Variants in LIMCH1 observed in about 807,000 individuals in gnomAD.
The protein encoded by LIMCH1 is LIM and calponin homology domains 1.
Under a neutral mutation model 176.5 loss-of-function variants are expected in LIMCH1, and 113 were observed. The observed-to-expected ratio is 0.64, with a 90% CI of 0.55 to 0.75. The LOEUF (loss-of-function observed/expected upper bound fraction) is 0.75, where lower values mean the gene tolerates loss of function less well. LIMCH1 is among the 30% of genes least tolerant of loss of function. LIMCH1 has a pLI of 0.00. For synonymous variants in LIMCH1, 619 were observed against 645.9 expected, an observed-to-expected ratio of 0.96 and a Z score of 0.63; for missense variants, 1,674 against 1,814.9, an observed-to-expected ratio of 0.92 and a Z score of 1.41.
At chr4:41,555,228 C>T (rs559859732) in intron 1 of LIMCH1, among the ~76,000 whole-genome samples, 2 of 152,294 alleles carry the variant, frequency 1.3e-5, no homozygotes, top group South Asian at 2.1e-4. Flanking sequence ...ATTTAGCAAG[C>T]GTGTCCTACT....
intron 1 of LIMCH1, among the ~76,000 whole-genome samples, chr4:41,586,309 TG>T (rs1256506089): frequency 2.0e-5 from 3 of 151,852 alleles, no homozygotes; most frequent in African/African-American, 7.3e-5. Flanking sequence ...GAGATCACAT[TG>T]TGTTGCCTGC....
chr4:41,505,831 T>C (rs2074078121), intron 2 of LIMCH1, among the ~76,000 whole-genome samples: 1 of 151,884 alleles, frequency 6.6e-6, no homozygotes, highest in Non-Finnish European at 1.5e-5. Flanking sequence ...TGAGACCAAG[T>C]TATAAGATTT....
intron 1 of LIMCH1, among the ~76,000 whole-genome samples, chr4:41,434,653 A>T (rs2154137972): frequency 6.6e-6 from 1 of 152,260 alleles, no homozygotes; most frequent in East Asian, 1.9e-4. Flanking sequence ...AGTAGCTGGG[A>T]TTACAGGTGC....
intron 22 of LIMCH1, among the ~76,000 whole-genome samples, chr4:41,674,300 C>A (rs906866691): frequency 6.6e-6 from 1 of 152,198 alleles, no homozygotes; most frequent in African/African-American, 2.4e-5. Context: ...TATTTTCCTA[C>A]TATTGGAGTT....
intron 1 of LIMCH1, among the ~76,000 whole-genome samples, chr4:41,595,100 TA>T (rs1401231999): frequency 6.6e-6 from 1 of 152,110 alleles, no homozygotes; most frequent in Non-Finnish European, 1.5e-5. Flanking sequence ...TCCTGAATGG[TA>T]GAATTGTAAG....
chr4:41,560,453 A>G (rs2081923289), intron 1 of LIMCH1, among the ~76,000 whole-genome samples: 1 of 152,198 alleles, frequency 6.6e-6, no homozygotes, highest in African/African-American at 2.4e-5. Flanking sequence ...CACTCTGTTA[A>G]TGGTGAAAAT....
At chr4:41,549,001 C>A (rs190217004) in intron 1 of LIMCH1, among the ~76,000 whole-genome samples, 164 of 152,158 alleles carry the variant, frequency 1.1e-3, no homozygotes, top group Non-Finnish European at 2.0e-3. Context: ...TTGCTGAGAC[C>A]TTTCTACCTG....
At chr4:41,663,134 C>T (rs946587154) in intron 20 of LIMCH1, 150 bp downstream of exon 20, 132 of 406,498 alleles carry the variant, frequency 3.2e-4, no homozygotes, top group Middle Eastern at 1.6e-3. Context: ...TTTTCTTTTT[C>T]GTGTGTGTGT....
intron 1 of LIMCH1, among the ~76,000 whole-genome samples, chr4:41,563,177 C>T (rs1403023146): frequency 6.6e-6 from 1 of 152,132 alleles, no homozygotes; most frequent in African/African-American, 2.4e-5. Context: ...CCGACCAGCT[C>T]TGTGATAGTG....
chr4:41,692,404 C>T lies in LIMCH1; in HGVS notation c.4378+20C>T. 6.9e-7 allele frequency: 1 copy of T among 1,454,384 alleles called. No individual in the cohort carries two copies. Among genetic ancestry groups the T allele is most frequent in the South Asian group, 1.1e-5 (1 of 87,824 alleles). The allele number at this position is 1,454,384 out of a possible 1,614,324, so 90.1% of individuals were successfully genotyped here. A position where few individuals can be genotyped will look rare whatever the true frequency, so the allele number is the denominator to read the frequency against. ...CCAGAAGTAAGTACTGGGGAGAATG[C>T]CTCATGATGACCGAGTGTAATCGTA... is the stretch of plus-strand genomic sequence containing the variant. On this transcript the variant is annotated intron_variant, in intron 31 of 31. Transcript: ENST00000503057.
chr4:41,450,397 G>A (rs1310116552), intron 1 of LIMCH1, among the ~76,000 whole-genome samples: 2 of 152,172 alleles, frequency 1.3e-5, no homozygotes, highest in Non-Finnish European at 2.9e-5. Flanking sequence ...AGAGAATGGA[G>A]TGGGGTCACT....
chr4:41,617,642 A>T (rs1010726850), intron 5 of LIMCH1, among the ~76,000 whole-genome samples: 2 of 152,372 alleles, frequency 1.3e-5, no homozygotes, highest in South Asian at 2.1e-4. Flanking sequence ...ATGTGGCATG[A>T]ATAATTCATA....
intron 1 of LIMCH1, among the ~76,000 whole-genome samples, chr4:41,458,773 C>CAAAAAAA (rs779184137): frequency 1.9e-5 from 1 of 53,464 alleles, no homozygotes; most frequent in Non-Finnish European, 3.7e-5. Context: ...ACTCTGTCAC[C>CAAAAAAA]AAAAAAAAAA....
In LIMCH1 at chr4:41,620,523, T is replaced by G; in HGVS notation, c.558T>G (p.Gly186=). The change falls in exon 7 of 32, where the codon GGT becomes GGG. Residue 186 remains glycine (G), a synonymous_variant. Transcript: ENST00000503057. The stretch of plus-strand genomic sequence containing the variant: ...ATCCTGGTTGGAAGCCTTCCGATGG[T>G]GGGTGTGAATTACCTGACGGCAGTG... The part of the protein sequence containing the change: ...QMNPGWKPSD[G]GCELPDGSGK... 2 of 1,536,398 alleles carry G rather than the reference T, an allele frequency of 1.3e-6. No individual in the cohort carries two copies. Among genetic ancestry groups the G allele is most frequent in the Non-Finnish European group, 1.7e-6 (2 of 1,146,964 alleles).
chr4:41,639,553 G>T (rs1434167370), intron 14 of LIMCH1, among the ~76,000 whole-genome samples: 2 of 152,120 alleles, frequency 1.3e-5, no homozygotes, highest in Non-Finnish European at 2.9e-5. Flanking sequence ...CCTCCCTGCT[G>T]CTTGGTTTTC....
At chr4:41,674,580 C>T (rs775069176) in intron 22 of LIMCH1, among the ~76,000 whole-genome samples, 3 of 152,202 alleles carry the variant, frequency 2.0e-5, no homozygotes, top group Non-Finnish European at 4.4e-5. Flanking sequence ...AATGGGGTCA[C>T]AGCCCAATAA....
rs2092449624 is a variant in LIMCH1 at position 41,620,097 on chromosome 4, G to T, written c.459-327G>T. On this transcript the variant is annotated intron_variant, in intron 6 of 31. Transcript: ENST00000503057. Reference sequence around the variant, plus strand: ...TACAATAAAATAAACTTGTCTAATAGTCCATCTGTACTATTATTTTCCATT... The same window carrying T: ...TACAATAAAATAAACTTGTCTAATATTCCATCTGTACTATTATTTTCCATT... 5 of 255,832 alleles carry T rather than the reference G, an allele frequency of 2.0e-5. No individual in the cohort carries two copies. In the Admixed American group the frequency reaches 2.5e-4, roughly 13 times the overall value. 15.8% of individuals were successfully genotyped at this position (255,832 alleles called of 1,614,324 possible). A position where few individuals can be genotyped will look rare whatever the true frequency, so the allele number is the denominator to read the frequency against.
chr4:41,484,798 C>G lies in LIMCH1; in HGVS notation c.97-9738C>G, dbSNP rs557788203. ...TTATTTCATCAGCCAACAGAATCTC[C>G]TCTTAAGATCATTATAATAGGGTTT... On this transcript the variant is annotated intron_variant, in intron 1 of 26. Coordinates refer to the LIMCH1 transcript ENST00000313860. Among the ~76,000 whole-genome samples the G allele has an allele frequency of 2.0e-5, 3 of 152,128 alleles. No homozygotes were observed. In the South Asian group the frequency reaches 6.2e-4, roughly 31 times the overall value.
intron 1 of LIMCH1, among the ~76,000 whole-genome samples, chr4:41,463,975 C>T (rs1447993455): frequency 6.6e-6 from 1 of 152,120 alleles, no homozygotes; most frequent in Non-Finnish European, 1.5e-5. Context: ...AGCTTAGCCT[C>T]ACAAAGTGCT....
Sources: allele counts gnomAD v4.1 joint callset (sites outside exome capture counted in the v4.1 genomes callset), GRCh38; gene constraint gnomAD v4.1.1; transcripts MANE v1.5; gene names NCBI Gene and HGNC (gene_info 2026-07-23, HGNC 2026-07-21).